The following L3MBTL1 variants were observed in gnomAD, a reference collection of about 807,000 sequenced individuals.
L3MBTL1 encodes the protein L3MBTL histone methyl-lysine binding protein 1.
In L3MBTL1, 75 loss-of-function variants were observed where a neutral mutation model predicts 105.3. The ratio of observed to expected loss-of-function variants is 0.71; its 90% CI spans 0.59 to 0.86. The LOEUF (loss-of-function observed/expected upper bound fraction) is 0.86, where lower values mean the gene tolerates loss of function less well. Ranked by LOEUF, L3MBTL1 falls within the 40% of genes least tolerant of loss-of-function variation. The pLI, the probability that L3MBTL1 is intolerant of heterozygous loss-of-function variation, is 0.00. For synonymous variants in L3MBTL1, 452 were observed against 436.2 expected (o/e 1.04, Z -0.45); for missense variants, 1,069 against 1,126.4 (o/e 0.95, Z 0.73).
At chr20:43,509,900 G>A (rs1448509611) in intron 1 of L3MBTL1, among the ~76,000 whole-genome samples, 1 of 152,196 alleles carries the variant, frequency 6.6e-6, no homozygotes, top group Non-Finnish European at 1.5e-5. Context: ...GTCTCATTTT[G>A]TCACTCAGGC....
In L3MBTL1 at chr20:43,514,624, C is replaced by A; in HGVS notation, c.361-11C>A. 1.9e-6 allele frequency: 3 copies of A among 1,598,052 alleles called. No individual in the cohort carries two copies. The highest frequency in any genetic ancestry group is 1.7e-6 in the Non-Finnish European group (2 of 1,172,184). ...CGGGAGTCGCAATCCTCAGACCCTC[C>A]CGCGCTCCAGTTCCGGATAAGCGAG... On this transcript the variant is annotated splice_polypyrimidine_tract_variant and intron_variant, in intron 3 of 21. Transcript: ENST00000418998.
rs775994359 is a variant in L3MBTL1 at position 43,534,353 on chromosome 20, C to A, written c.1669C>A (p.Arg557Ser). The A allele has an allele frequency of 1.2e-6, 2 of 1,613,972 alleles. No individual in the cohort carries two copies. The highest frequency in any genetic ancestry group is 1.7e-6 in the Non-Finnish European group (2 of 1,180,006). ...GGACCGCAGGAACCCAGCCCTGATT[C>A]GCGTGGCCAGCGTGGAGGATGTGGA... is the stretch of plus-strand genomic sequence containing the variant. ...AVDRRNPALI[R>S]VASVEDVEDH... is the part of the protein sequence containing the mutation. The change falls in exon 15 of 22, where the codon CGC (arginine) becomes AGC (serine). Residue 557 changes from arginine to serine, a missense_variant. Coordinates refer to ENST00000418998, the MANE Select transcript of L3MBTL1 (RefSeq NM_001377303.1).
chr20:43,521,074 A>G (rs6130403), intron 7 of L3MBTL1, among the ~76,000 whole-genome samples: 16,553 of 152,286 alleles, frequency 0.11, 1,112 homozygotes, highest in East Asian at 0.32. Flanking sequence ...GTAGATCCCT[A>G]TAAGGCACAT....
rs1413637325 is a variant in L3MBTL1, at chr20:43,541,049, C to T, written c.2510C>T (p.Thr837Ile). The T allele has an allele frequency of 1.9e-6, 3 of 1,614,136 alleles. No homozygotes were observed. Among genetic ancestry groups the T allele is most frequent in the Non-Finnish European group, 2.5e-6 (3 of 1,180,020 alleles). Residue 837 changes from threonine (T) to isoleucine (I), a missense_variant, in exon 22 of 22, where the codon ACA becomes ATA. By Grantham distance (89) the Thr-to-Ile change is moderately conservative. Transcript: ENST00000418998. ...CAGGAAGGAAAAGGCATCCTGGAGA[C>T]AGGAGTCCATTCACTCCTCTGCTCT... ...HLQEGKGILE[T>I]GVHSLLCSLP...
At chr20:43,550,584 G>A (rs1978913624) in exon 19 of L3MBTL1, 1 of 152,256 alleles carries the variant, frequency 6.6e-6, no homozygotes, top group African/African-American at 2.4e-5. Context: ...GGAGTTGGCA[G>A]AGACTTCTGG....
chr20:43,543,868 T>C (rs1198104606), downstream of L3MBTL1, among the ~76,000 whole-genome samples: 2 of 152,228 alleles, frequency 1.3e-5, no homozygotes, highest in Non-Finnish European at 2.9e-5. Context: ...ATTGTAGCCA[T>C]TGTGTATTTG....
Position 43,540,938 on chromosome 20 carries a change from G to A in L3MBTL1, c.2399G>A (p.Arg800Lys), listed in dbSNP as rs199793447. 1.6e-4 allele frequency: 256 copies of A among 1,614,076 alleles called. 3 individuals are homozygous for A. In the South Asian group the frequency reaches 2.7e-3, roughly 17 times the overall value. The change falls in exon 22 of 22, where the codon AGA becomes AAA. Residue 800 changes from arginine (R) to lysine (K), a missense_variant. By Grantham distance (26) the Arg-to-Lys change is conservative (BLOSUM62 2). Transcript: ENST00000418998. Reference sequence around the variant, plus strand: ...GGACCCGTGTTGCCCCACCAGGCAAGAATAGTCAGAGTGACCCATGTATCT... The same window carrying A: ...GGACCCGTGTTGCCCCACCAGGCAAAAATAGTCAGAGTGACCCATGTATCT... Reference protein sequence around the residue: ...DQARLFKDEARIVRVTHVSGK... With the variant: ...DQARLFKDEAKIVRVTHVSGK...
Position 43,536,457 on chromosome 20 carries a change from G to A in L3MBTL1, c.2172G>A (p.Gln724=). ...GAAAGATTCCGCAGGAAGATTTCCA[G>A]AGTAAGTCTGGGTTATCTGCTCCTA... ...KYRKIPQEDF[Q]TLTPDVVHQS... is the part of the protein sequence containing the mutation. Residue 724 remains glutamine (Q), a splice_region_variant and synonymous_variant, in exon 19 of 22, where the codon CAG becomes CAA. Transcript: ENST00000418998. The A allele has an allele frequency of 6.2e-7, 1 of 1,613,970 alleles. No homozygotes were observed. The highest frequency in any genetic ancestry group is 2.2e-5 in the East Asian group (1 of 44,890).
intron 13 of L3MBTL1, 127 bp downstream of exon 13, chr20:43,533,545 T>C (rs1322472737): frequency 5.5e-6 from 4 of 731,526 alleles, no homozygotes; most frequent in Non-Finnish European, 8.7e-6. Flanking sequence ...AGACATGTCC[T>C]GAAGCCTCAG....
chr20:43,532,514 A>G, intron 11 of L3MBTL1: 1 of 419,356 alleles, frequency 2.4e-6, no homozygotes, highest in Non-Finnish European at 4.2e-6. Context: ...GCGAACGCAT[A>G]GCCTCCTTCC....
intron 19 of L3MBTL1, among the ~76,000 whole-genome samples, chr20:43,538,085 A>G (rs1176496792): frequency 6.6e-6 from 1 of 152,146 alleles, no homozygotes; most frequent in Non-Finnish European, 1.5e-5. Context: ...GTCATCTCAT[A>G]CTGTTTCCTC....
intron 7 of L3MBTL1, among the ~76,000 whole-genome samples, chr20:43,516,969 T>A (rs8122001): frequency 0.11 from 16,085 of 151,966 alleles, 1,655 homozygotes; most frequent in African/African-American, 0.26. Flanking sequence ...ATTTTTTAAA[T>A]TTTTGTTATA....
rs780301800 is a variant in L3MBTL1 at position 43,534,844 on chromosome 20, G to A, written c.1727G>A (p.Trp576Ter). 1.2e-6 allele frequency: 2 copies of A among 1,610,958 alleles called. No homozygotes were observed. Among genetic ancestry groups the A allele is most frequent in the South Asian group, 2.2e-5 (2 of 90,984 alleles). ...CCTCCCCAGATCCACTTTGATGGCT[G>A]GAGTCATGGCTATGATTTCTGGATC... ...DHRIKIHFDG[W>*]SHGYDFWIDA... The change falls in exon 16 of 22, where the codon TGG becomes TAG. Residue 576 changes from tryptophan (W) to a stop codon, truncating the protein, a stop_gained. Transcript: ENST00000418998. LOFTEE classifies it high-confidence loss of function.
intron 19 of L3MBTL1, 193 bp from the exon 20 acceptor site, chr20:43,539,958 T>G: frequency 1.5e-6 from 1 of 665,014 alleles, no homozygotes; most frequent in Admixed American, 2.1e-5. Flanking sequence ...AGAGTCACTT[T>G]ACCAGCAGGA....
intron 7 of L3MBTL1, among the ~76,000 whole-genome samples, chr20:43,527,318 C>T (rs1266559873): frequency 1.3e-5 from 2 of 152,214 alleles, no homozygotes; most frequent in African/African-American, 2.4e-5. Flanking sequence ...TGAGTTGTTA[C>T]GTCTTTAGTT....
chr20:43,513,633 A>G lies in L3MBTL1; in HGVS notation c.130A>G (p.Ile44Val). The G allele has an allele frequency of 6.4e-7, 1 of 1,550,620 alleles. No homozygotes were observed. The highest frequency in any genetic ancestry group is 1.2e-5 in the South Asian group (1 of 84,062). The change falls in exon 2 of 22, where the codon ATT (isoleucine) becomes GTT (valine). Residue 44 changes from isoleucine (I) to valine (V), a missense_variant. Ile to Val is a conservative substitution (Grantham distance 29). Coordinates refer to ENST00000418998, the MANE Select transcript of L3MBTL1 (RefSeq NM_001377303.1). Reference protein sequence around the residue: ...GPHLPATAFIIPASSATLGLP... With the variant: ...GPHLPATAFIVPASSATLGLP... ...TCACCTGCCCGCAACTGCCTTCATC[A>G]TTCCAGGTGAGTCAAGCTAGGGTAG... is the stretch of plus-strand genomic sequence containing the variant.
chr20:43,541,191 A>C lies in L3MBTL1; in HGVS notation c.*63A>C. The C allele has an allele frequency of 6.4e-7, 1 of 1,566,956 alleles. No homozygotes were observed. Among genetic ancestry groups the C allele is most frequent in the South Asian group, 1.2e-5 (1 of 83,996 alleles). ...AATTAAAGTGTATTTTGAATGACAC[A>C]GATATTGTGATTTACTGCAAGGATC... On this transcript the variant is annotated 3_prime_UTR_variant, in exon 22 of 22. Coordinates refer to ENST00000418998, the MANE Select transcript of L3MBTL1 (RefSeq NM_001377303.1).
At chr20:43,514,818 G>C (rs771873901) in intron 4 of L3MBTL1, 42 bp downstream of exon 4, 54 of 1,507,302 alleles carry the variant, frequency 3.6e-5, no homozygotes, top group Non-Finnish European at 5.3e-6. Context: ...GGCCCTGTGC[G>C]GGTGGGGCGA....
chr20:43,507,808 C>A (rs948730895), intron 1 of L3MBTL1, 64 bp downstream of exon 1: 8 of 152,120 alleles, frequency 5.3e-5, no homozygotes, highest in Non-Finnish European at 8.8e-5. Context: ...CACCCCGCTC[C>A]GTCCAGGGCG....
Sources: gnomAD v4.1 joint callset for allele counts (sites outside exome capture counted in the v4.1 genomes callset) on GRCh38, gnomAD v4.1.1 for gene constraint, MANE v1.5 for transcripts, NCBI Gene and HGNC (gene_info 2026-07-23, HGNC 2026-07-21) for gene names.